SERPINH1: variants seen among roughly 807,000 people sequenced by gnomAD.
SERPINH1 encodes the protein serpin family H member 1.
In SERPINH1, 22 loss-of-function variants were observed where a neutral mutation model predicts 32.3. That is an observed-to-expected ratio of 0.68 (90% confidence interval 0.49 to 0.97). The LOEUF is 0.97. SERPINH1 is among the 50% of genes least tolerant of loss of function. The pLI is 0.00. For missense variants in SERPINH1, 543 were observed against 576.4 expected, an observed-to-expected ratio of 0.94 and a Z score of 0.59; for synonymous variants, 251 against 245.9, an observed-to-expected ratio of 1.02 and a Z score of -0.19.
chr11:75,570,496 C>T (rs956892995), intron 4 of SERPINH1, among the ~76,000 whole-genome samples: 2 of 152,144 alleles, frequency 1.3e-5, no homozygotes, highest in Non-Finnish European at 2.9e-5. Context: ...TCAGTGGAGA[C>T]CCCACCCCCC....
chr11:75,569,849 G>C (rs1340754520), intron 4 of SERPINH1, among the ~76,000 whole-genome samples: 1 of 152,196 alleles, frequency 6.6e-6, no homozygotes, highest in Non-Finnish European at 1.5e-5. Flanking sequence ...CACACAGCTA[G>C]TAATTCAGAC....
chr11:75,572,387 T>C lies in SERPINH1; in HGVS notation c.*304T>C. The C allele has an allele frequency of 2.2e-6, 1 of 460,494 alleles. No homozygotes were observed. Among genetic ancestry groups the C allele is most frequent in the Non-Finnish European group, 4.0e-6 (1 of 248,228 alleles). 28.5% of individuals were successfully genotyped at this position (460,494 alleles called of 1,614,324 possible). A position where few individuals can be genotyped will look rare whatever the true frequency, so the allele number is the denominator to read the frequency against. ...TCAAGCCTGCCTCAATCAGTATTCA[T>C]ATTTATAGCCAGGTACCTTCTCACC... On this transcript the variant is annotated 3_prime_UTR_variant, in exon 5 of 5. Coordinates refer to ENST00000358171, the MANE Select transcript of SERPINH1 (RefSeq NM_001235.5).
rs763412073 is a variant in SERPINH1, at chr11:75,566,427, C to T, written c.78C>T (p.Ala26=). 2.9e-5 allele frequency: 47 copies of T among 1,611,814 alleles called. No individual in the cohort carries two copies. Among genetic ancestry groups the T allele is most frequent in the Middle Eastern group, 3.3e-4 (2 of 6,078 alleles). ...CCGCCGAGGTGAAGAAACCTGCAGC[C>T]GCAGCAGCTCCTGGCACTGCGGAGA... is the stretch of plus-strand genomic sequence containing the variant. ...ALAAEVKKPA[A]AAAPGTAEKL... The change falls in exon 2 of 5, where the codon GCC becomes GCT. Residue 26 remains alanine (A), a synonymous_variant. Coordinates refer to ENST00000358171, the MANE Select transcript of SERPINH1 (RefSeq NM_001235.5).
intron 4 of SERPINH1, 26 bp downstream of exon 4, chr11:75,569,197 C>T: frequency 1.3e-6 from 2 of 1,554,212 alleles, no homozygotes; most frequent in Non-Finnish European, 1.8e-6. Flanking sequence ...GCCTAGGGGC[C>T]TGCAGGCCTT....
chr11:75,567,100 A>G, intron 2 of SERPINH1, 129 bp downstream of exon 2: 3 of 1,041,664 alleles, frequency 2.9e-6, no homozygotes, highest in Non-Finnish European at 4.1e-6. Flanking sequence ...GGGAGGCAGG[A>G]CTGTCACTCA....
intron 4 of SERPINH1, 69 bp downstream of exon 4, chr11:75,569,240 C>A (rs1400356498): frequency 3.4e-6 from 4 of 1,166,020 alleles, no homozygotes; most frequent in Non-Finnish European, 5.0e-6. Context: ...GGGACCCACT[C>A]ACCAATTCAG....
chr11:75,566,286 A>G, intron 1 of SERPINH1, 30 bp from the exon 2 acceptor site: 1 of 1,566,792 alleles, frequency 6.4e-7, no homozygotes, highest in Non-Finnish European at 8.7e-7. Context: ...CTTGGGCTTC[A>G]AGACCACCCT....
At chr11:75,565,129 G>A (rs1050121978) in intron 1 of SERPINH1, among the ~76,000 whole-genome samples, 2 of 152,218 alleles carry the variant, frequency 1.3e-5, no homozygotes, top group African/African-American at 4.8e-5. Flanking sequence ...AACAGAGACT[G>A]TCCAAATTGG....
intron 1 of SERPINH1, among the ~76,000 whole-genome samples, chr11:75,563,960 G>A (rs909130915): frequency 6.6e-6 from 1 of 152,228 alleles, no homozygotes; most frequent in Admixed American, 6.5e-5. Context: ...GTGGCAAGAT[G>A]GGCTGGGCTG....
intron 2 of SERPINH1, among the ~76,000 whole-genome samples, chr11:75,567,565 G>C (rs1405346964): frequency 6.6e-6 from 1 of 152,156 alleles, no homozygotes; most frequent in Non-Finnish European, 1.5e-5. Context: ...CAAGTGATCT[G>C]CCCGCCTCGG....
At chr11:75,569,584 AGCTAATTTTTGT>A in intron 4 of SERPINH1, among the ~76,000 whole-genome samples, 1 of 151,748 alleles carries the variant, frequency 6.6e-6, no homozygotes, top group South Asian at 2.1e-4. Context: ...CACCACCCCC[AGCTAATTTTTGT>A]ATTTTTAATA....
rs1164335003 is a variant in SERPINH1 at position 75,566,323 on chromosome 11, G to A, written c.-27G>A. 1 of 1,600,156 alleles carries A rather than the reference G, an allele frequency of 6.2e-7. No individual in the cohort carries two copies. The highest frequency in any genetic ancestry group is 1.7e-5 in the Admixed American group (1 of 58,074). ...TCTGTGCAATCCTCACAGGCCCACC[G>A]TGGTGCACGCAAACCACTTCCTGGC... On this transcript the variant is annotated 5_prime_UTR_variant, in exon 2 of 5. It adds an upstream start codon to the 5' untranslated region. Coordinates refer to ENST00000358171, the MANE Select transcript of SERPINH1 (RefSeq NM_001235.5).
intron 2 of SERPINH1, among the ~76,000 whole-genome samples, chr11:75,567,553 C>T (rs1273605809): frequency 6.6e-6 from 1 of 152,182 alleles, no homozygotes; most frequent in African/African-American, 2.4e-5. Context: ...AACTTTTGGT[C>T]TCAAGTGATC....
chr11:75,568,880 G>C (rs771794001), intron 3 of SERPINH1, 51 bp downstream of exon 3: 8 of 1,604,506 alleles, frequency 5.0e-6, no homozygotes, highest in Non-Finnish European at 6.8e-6. Flanking sequence ...TCCAAGGGTA[G>C]TTGGTCTGAC....
Position 75,562,273 on chromosome 11 carries a change from G to T in SERPINH1, c.-81G>T, listed in dbSNP as rs112086221. 2.6e-5 allele frequency: 4 copies of T among 152,332 alleles called. 1 individual carries two copies. The highest frequency in any genetic ancestry group is 9.6e-5 in the African/African-American group (4 of 41,554). 9.4% of individuals were successfully genotyped at this position (152,332 alleles called of 1,614,324 possible). A position where few individuals can be genotyped will look rare whatever the true frequency, so the allele number is the denominator to read the frequency against. ...GGGCTAAGAGTAGAATCGTGTCGCG[G>T]CTCGAGAGCGAGAGTCACGTCCCGG... On this transcript the variant is annotated 5_prime_UTR_variant, in exon 1 of 5. Coordinates refer to ENST00000358171, the MANE Select transcript of SERPINH1 (RefSeq NM_001235.5).
chr11:75,572,321 AC>A lies in SERPINH1; in HGVS notation c.*240del. 1.7e-6 allele frequency: 1 copy of A among 591,126 alleles called. No homozygotes were observed. Among genetic ancestry groups the A allele is most frequent in the Non-Finnish European group, 3.0e-6 (1 of 328,252 alleles). 36.6% of individuals were successfully genotyped at this position (591,126 alleles called of 1,614,324 possible). ...GCCCGGAAACTCCACATCCTGTGGG[AC>A]CTGGGCCATAGTCATTCTGCCTGCC... On this transcript the variant is annotated 3_prime_UTR_variant, in exon 5 of 5. Transcript: ENST00000358171.
In SERPINH1 at chr11:75,566,715, G is replaced by C. The variant is rs780034600; in HGVS notation, c.366G>C (p.Thr122=). The C allele has an allele frequency of 2.1e-4, 339 of 1,612,192 alleles. 3 individuals are homozygous for C. The South Asian group carries it at 2.3e-3, about 11-fold the overall frequency. The change falls in exon 2 of 5, where the codon ACG becomes ACC. Residue 122 remains threonine (T), a synonymous_variant. Transcript: ENST00000358171. ...TGCTGCGCTCACTCAGCAACTCCAC[G>C]GCGCGCAACGTGACCTGGAAGCTGG... ...GELLRSLSNS[T]ARNVTWKLGS...
Position 75,569,729 on chromosome 11 carries a change from C to T in SERPINH1, c.954+558C>T, listed in dbSNP as rs147526004. Among the ~76,000 whole-genome samples the T allele has an allele frequency of 3.7e-4, 57 of 152,200 alleles. 1 individual carries two copies. In the East Asian group the frequency reaches 7.0e-3, roughly 19 times the overall value. ...TGAGCCACCGTGCCCAGCCTTTATA[C>T]GTATTAAACTCTTTTAATCCTCAAA... is the stretch of plus-strand genomic sequence containing the variant. On this transcript the variant is annotated intron_variant, in intron 4 of 4. Transcript: ENST00000358171.
chr11:75,565,627 CA>C (rs1942061022), intron 1 of SERPINH1, among the ~76,000 whole-genome samples: 1 of 152,136 alleles, frequency 6.6e-6, no homozygotes, highest in African/African-American at 2.4e-5. Flanking sequence ...CACACACACA[CA>C]CACTCTCAGG....
Sources: gnomAD v4.1 joint callset for allele counts (sites outside exome capture counted in the v4.1 genomes callset) on GRCh38, gnomAD v4.1.1 for gene constraint, MANE v1.5 for transcripts, NCBI Gene and HGNC (gene_info 2026-07-23, HGNC 2026-07-21) for gene names.